LMO1: variants seen among roughly 807,000 people sequenced by gnomAD.
The protein encoded by LMO1 is rhombotin-1.
A neutral mutation model predicts 18.0 loss-of-function variants in LMO1; 10 were observed. The ratio of observed to expected loss-of-function variants is 0.55; its 90% CI spans 0.34 to 0.94. The LOEUF (loss-of-function observed/expected upper bound fraction) is 0.94, where lower values mean the gene tolerates loss of function less well. LMO1 is among the 40% of genes least tolerant of loss of function. The pLI is 0.02. For synonymous variants in LMO1, 77 were observed against 77.9 expected, an observed-to-expected ratio of 0.99 and a Z score of 0.06; for missense variants, 183 against 205.7, an observed-to-expected ratio of 0.89 and a Z score of 0.68.
At chr11:8,240,977 C>T (rs995901527) in intron 1 of LMO1, among the ~76,000 whole-genome samples, 1 of 152,178 alleles carries the variant, frequency 6.6e-6, no homozygotes, top group African/African-American at 2.4e-5. Flanking sequence ...GAGTTTGTCA[C>T]TTGGAATGAG....
In LMO1 at chr11:8,263,874, T is replaced by C. The variant is rs751659322; in HGVS notation, c.-512A>G. The C allele has an allele frequency of 2.8e-5, 29 of 1,039,562 alleles. No individual in the cohort carries two copies. Among genetic ancestry groups the C allele is most frequent in the East Asian group, 1.1e-4 (2 of 17,436 alleles). 64.4% of individuals were successfully genotyped at this position (1,039,562 alleles called of 1,614,324 possible). A position where few individuals can be genotyped will look rare whatever the true frequency, so the allele number is the denominator to read the frequency against. On this transcript the variant is annotated 5_prime_UTR_variant, in exon 1 of 4. Coordinates refer to ENST00000335790, the MANE Select transcript of LMO1 (RefSeq NM_002315.3). ...GTCTCCCGCTGCCTTTCTCCCTCAA[T>C]GTATGAGGTTTGCACTCCTGCTACT...
chr11:8,268,500 G>T, upstream of LMO1: 1 of 1,342,114 alleles, frequency 7.5e-7, no homozygotes, highest in South Asian at 1.9e-5. Context: ...GGGGCGCGTG[G>T]CTCCGACTCC....
At position 8,230,405 on chromosome 11, in the gene LMO1, T is replaced by C. The variant is rs746501863; in HGVS notation, c.125A>G (p.Lys42Arg). The C allele has an allele frequency of 6.2e-7, 1 of 1,614,066 alleles. No individual in the cohort carries two copies. The highest frequency in any genetic ancestry group is 1.1e-5 in the South Asian group (1 of 91,090). Residue 42 changes from lysine to arginine, a missense_variant, in exon 2 of 4, where the codon AAG becomes AGG. Coordinates refer to ENST00000335790, the MANE Select transcript of LMO1 (RefSeq NM_002315.3). ...KDRYLLKALD[K>R]YWHEDCLKCA... ...CTTGAGGCAGTCTTCGTGCCAGTAC[T>C]TGTCCAATGCCTTCAGCAGATAGCG...
intron 1 of LMO1, among the ~76,000 whole-genome samples, chr11:8,244,347 A>G (rs966396001): frequency 4.6e-5 from 7 of 152,202 alleles, no homozygotes; most frequent in Admixed American, 2.6e-4. Flanking sequence ...GTACCTGGGG[A>G]ATGTTTAGAG....
chr11:8,263,270 T>A, intron 1 of LMO1, 68 bp downstream of exon 1: 1 of 1,502,412 alleles, frequency 6.7e-7, no homozygotes, highest in Non-Finnish European at 9.1e-7. Flanking sequence ...TCCCCGCGTG[T>A]GTGTGCCTGC....
intron 1 of LMO1, among the ~76,000 whole-genome samples, chr11:8,231,039 CT>C (rs1475462743): frequency 6.6e-6 from 1 of 152,192 alleles, no homozygotes; most frequent in Non-Finnish European, 1.5e-5. Flanking sequence ...TGAGACGCCC[CT>C]GGGACACTCC....
At chr11:8,246,832 A>G (rs1401355075) in intron 1 of LMO1, among the ~76,000 whole-genome samples, 1 of 152,072 alleles carries the variant, frequency 6.6e-6, no homozygotes, top group African/African-American at 2.4e-5. Flanking sequence ...AGAAGCTGCC[A>G]GGTGGGGGGA....
At chr11:8,257,455 T>A (rs557078093) in intron 1 of LMO1, among the ~76,000 whole-genome samples, 1 of 152,344 alleles carries the variant, frequency 6.6e-6, no homozygotes, top group Non-Finnish European at 1.5e-5. Flanking sequence ...GGGCTGTCAG[T>A]AGGCTGGCAA....
upstream of LMO1, chr11:8,268,715 G>A (rs1335105564): frequency 1.2e-5 from 3 of 241,054 alleles, no homozygotes; most frequent in East Asian, 1.5e-4. Context: ...AGCTGCCCGG[G>A]CCGGGCCGCA....
chr11:8,236,832 C>T (rs991573424), intron 1 of LMO1, among the ~76,000 whole-genome samples: 1 of 152,176 alleles, frequency 6.6e-6, no homozygotes, highest in Non-Finnish European at 1.5e-5. Context: ...AAAATACATA[C>T]CCATGCATCT....
intron 1 of LMO1, among the ~76,000 whole-genome samples, chr11:8,259,803 C>G (rs1026129294): frequency 2.0e-5 from 3 of 152,218 alleles, no homozygotes; most frequent in Admixed American, 6.5e-5. Context: ...TGCGCCGGCT[C>G]TGGTGGATTA....
intron 1 of LMO1, among the ~76,000 whole-genome samples, chr11:8,259,675 T>C (rs938473832): frequency 1.7e-4 from 26 of 152,150 alleles, no homozygotes; most frequent in African/African-American, 5.8e-4. Context: ...GGGACGGTCA[T>C]GAGCACACTC....
chr11:8,268,439 C>T, upstream of LMO1: 1 of 1,467,816 alleles, frequency 6.8e-7, no homozygotes, highest in South Asian at 1.3e-5. Flanking sequence ...TCCTCCTGGT[C>T]CAACACCATG....
At chr11:8,261,522 C>T (rs1339412856) in intron 1 of LMO1, among the ~76,000 whole-genome samples, 3 of 152,192 alleles carry the variant, frequency 2.0e-5, no homozygotes, top group African/African-American at 4.8e-5. Flanking sequence ...TGGCCTGAGG[C>T]CTCTCACGTA....
At chr11:8,243,483 C>G (rs1846833650) in intron 1 of LMO1, among the ~76,000 whole-genome samples, 1 of 152,162 alleles carries the variant, frequency 6.6e-6, no homozygotes, top group Non-Finnish European at 1.5e-5. Flanking sequence ...GCAGTGCAGC[C>G]CCTGTGAAGT....
intron 2 of LMO1, among the ~76,000 whole-genome samples, chr11:8,229,500 A>T (rs1340933846): frequency 4.6e-5 from 7 of 152,224 alleles, no homozygotes; most frequent in African/African-American, 1.4e-4. Flanking sequence ...AGCCAAATGC[A>T]GGTGCTGGGT....
intron 1 of LMO1, among the ~76,000 whole-genome samples, chr11:8,261,294 G>T (rs1392412247): frequency 6.6e-6 from 1 of 152,184 alleles, no homozygotes; most frequent in Non-Finnish European, 1.5e-5. Context: ...AGATCTAGCA[G>T]AAACCAGAAG....
upstream of LMO1, among the ~76,000 whole-genome samples, chr11:8,266,002 TG>T (rs3834919): frequency 0.088 from 13,355 of 152,164 alleles, 763 homozygotes; most frequent in South Asian, 0.2. Flanking sequence ...GGTACCTAAT[TG>T]GCAGCCACAT....
At chr11:8,225,774 A>C (rs1335437508) in intron 3 of LMO1, among the ~76,000 whole-genome samples, 1 of 152,154 alleles carries the variant, frequency 6.6e-6, no homozygotes, top group Non-Finnish European at 1.5e-5. Flanking sequence ...CTGTAAGTTC[A>C]CTGAGCCCTC....
Sources: allele counts gnomAD v4.1 joint callset (sites outside exome capture counted in the v4.1 genomes callset), GRCh38; gene constraint gnomAD v4.1.1; transcripts MANE v1.5; gene names NCBI Gene and HGNC (gene_info 2026-07-23, HGNC 2026-07-21).